The following SLCO5A1 variants were observed in gnomAD, a reference collection of about 807,000 sequenced individuals.
SLCO5A1 encodes solute carrier organic anion transporter family member 5A1, also known as organic anion transporter polypeptide-related protein 4.
In SLCO5A1, 39 loss-of-function variants were observed where a neutral mutation model predicts 65.1. The observed-to-expected ratio is 0.60, with a 90% confidence interval of 0.46 to 0.78. The LOEUF (loss-of-function observed/expected upper bound fraction) is 0.78, where lower values mean the gene tolerates loss of function less well. Ranked by LOEUF, SLCO5A1 falls within the 30% of genes least tolerant of loss-of-function variation. The pLI, the probability that SLCO5A1 is intolerant of heterozygous loss-of-function variation, is 0.00. For missense variants in SLCO5A1, 1,029 were observed against 1,069.4 expected (o/e 0.96, Z 0.53); for synonymous variants, 438 against 415.7 (o/e 1.05, Z -0.65).
In SLCO5A1 at chr8:69,705,021, A is replaced by G. The variant is rs1350901346; in HGVS notation, c.1622+10T>C. On this transcript the variant is annotated intron_variant, in intron 6 of 9. Transcript: ENST00000260126. ...GTGCAGACACGACACGGCTCTTAAG[A>G]GGTACTTACCCTGTTGTATAAGGGA... 1 of 1,608,154 alleles carries G rather than the reference A, an allele frequency of 6.2e-7. No individual in the cohort carries two copies. Among genetic ancestry groups the G allele is most frequent in the Non-Finnish European group, 8.5e-7 (1 of 1,179,168 alleles).
rs201068912 is a variant in SLCO5A1, at chr8:69,679,559, C to T, written c.1843G>A (p.Val615Met). 4.6e-5 allele frequency: 75 copies of T among 1,614,066 alleles called. No individual in the cohort carries two copies. The highest frequency in any genetic ancestry group is 4.7e-5 in the Non-Finnish European group (56 of 1,180,046). The change falls in exon 8 of 10, where the codon GTG (valine) becomes ATG (methionine). Residue 615 changes from valine to methionine, a missense_variant. By Grantham distance (21) the Val-to-Met change is conservative. Around this residue, in one of 3 missense-constraint regions of SLCO5A1, gnomAD observed 124 missense variants for 184.5 expected, o/e 0.67. Transcript: ENST00000260126. ...QSRQVITPPTVGQRSQLRVVI... is the reference protein window; with the variant it reads ...QSRQVITPPTMGQRSQLRVVI... ...ACACGGAGCTGACTTCGCTGTCCCA[C>T]GGTGGGTGGAGTGATCACTTGGCGA...
chr8:69,713,892 A>G (rs755306565), intron 5 of SLCO5A1: 5 of 152,248 alleles, frequency 3.3e-5, no homozygotes, highest in Non-Finnish European at 5.9e-5. Flanking sequence ...TGCTCAGAAT[A>G]AATAATTTTA....
intron 6 of SLCO5A1, among the ~76,000 whole-genome samples, chr8:69,699,432 T>C (rs74985473): frequency 0.077 from 11,685 of 152,218 alleles, 448 homozygotes; most frequent in East Asian, 0.086. Context: ...CATCCATCTC[T>C]TGAGGAACTG....
chr8:69,799,504 A>G (rs1819646844), intron 2 of SLCO5A1, among the ~76,000 whole-genome samples: 2 of 152,160 alleles, frequency 1.3e-5, no homozygotes, highest in South Asian at 2.1e-4. Context: ...GGAAGTTTTT[A>G]TTTGTCCATA....
chr8:69,743,212 A>G (rs952419486), intron 4 of SLCO5A1, among the ~76,000 whole-genome samples: 1 of 152,206 alleles, frequency 6.6e-6, no homozygotes, highest in African/African-American at 2.4e-5. Flanking sequence ...TCACAGCATG[A>G]TATAAGGCAG....
At chr8:69,736,458 G>A (rs779776411) in intron 5 of SLCO5A1, among the ~76,000 whole-genome samples, 18 of 152,194 alleles carry the variant, frequency 1.2e-4, no homozygotes, top group Non-Finnish European at 8.8e-5. Context: ...GGGTGAAAAT[G>A]GTGCATCTGT....
chr8:69,714,369 G>A (rs1294796326), intron 5 of SLCO5A1, among the ~76,000 whole-genome samples: 2 of 152,218 alleles, frequency 1.3e-5, no homozygotes, highest in African/African-American at 4.8e-5. Context: ...CATGCGTTGA[G>A]CATTTGTTGC....
At chr8:69,755,210 C>T (rs1817488246) in intron 4 of SLCO5A1, among the ~76,000 whole-genome samples, 1 of 152,036 alleles carries the variant, frequency 6.6e-6, no homozygotes, top group Non-Finnish European at 1.5e-5. Flanking sequence ...TTTTAAATAA[C>T]ATACAAAATA....
intron 6 of SLCO5A1, among the ~76,000 whole-genome samples, chr8:69,703,442 A>C (rs568896814): frequency 6.6e-6 from 1 of 152,350 alleles, no homozygotes; most frequent in South Asian, 2.1e-4. Context: ...GCTACTTGGG[A>C]GGCTGAGACA....
chr8:69,782,896 G>T lies in SLCO5A1; in HGVS notation c.908-21021C>A, dbSNP rs118114420. On this transcript the variant is annotated intron_variant, in intron 2 of 9. Transcript: ENST00000260126. ...GACTCAACTCATATTCAAGAGGTTC[G>T]TAAGAGTATTGGCTTCAGCATCAGC... Among the ~76,000 whole-genome samples, 6 of 152,238 alleles carry T rather than the reference G, an allele frequency of 3.9e-5. No individual in the cohort carries two copies. In the East Asian group the frequency reaches 1.2e-3, roughly 29 times the overall value.
Position 69,755,605 on chromosome 8 carries a change from A to G in SLCO5A1, c.1077T>C (p.Phe359=). The part of the protein sequence containing the change: ...SGFLLCAIAM[F]LVIFPMFTFP... ...AAGTAAACATTGGGAATATCACAAG[A>G]AACATTGCAATGGCACAAAGGAGGA... The change falls in exon 4 of 10, where the codon TTT becomes TTC. Residue 359 remains phenylalanine (F), a synonymous_variant. Coordinates refer to ENST00000260126, the MANE Select transcript of SLCO5A1 (RefSeq NM_030958.3). 6.2e-7 allele frequency: 1 copy of G among 1,613,984 alleles called. No homozygotes were observed. The highest frequency in any genetic ancestry group is 1.1e-5 in the South Asian group (1 of 91,026).
Position 69,761,705 on chromosome 8 carries a change from T to G in SLCO5A1, c.1040+38A>C, listed in dbSNP as rs774895836. ...GTACCATGACTTTAACTATTATTAG[T>G]AAGAACTGAAATTTAAAAATTAGAA... is the stretch of plus-strand genomic sequence containing the variant. On this transcript the variant is annotated intron_variant, in intron 3 of 9. Transcript: ENST00000260126. The G allele has an allele frequency of 5.0e-6, 8 of 1,599,310 alleles. No homozygotes were observed. The Admixed American group carries it at 1.4e-4, about 28-fold the overall frequency.
chr8:69,794,657 A>T (rs1284414134), intron 2 of SLCO5A1: 12 of 323,754 alleles, frequency 3.7e-5, no homozygotes, highest in Non-Finnish European at 6.2e-5. Flanking sequence ...AGGACTCTTT[A>T]TGATATTTGT....
intron 2 of SLCO5A1, among the ~76,000 whole-genome samples, chr8:69,814,181 G>T (rs1293013309): frequency 3.3e-5 from 5 of 152,078 alleles, no homozygotes; most frequent in Non-Finnish European, 7.4e-5. Context: ...AAAAGTAAAA[G>T]TAGACAAATG....
In SLCO5A1 at chr8:69,755,539, CTT is replaced by C; in HGVS notation, c.1141_1142del (p.Lys381GlufsTer6). The C allele has an allele frequency of 6.2e-7, 1 of 1,613,726 alleles. No homozygotes were observed. ...TAACAGCATCAACAGAAAATTTTTT[CTT>C]TTTCTTTTTCTTGTGTCGAGGTGGA... Reference protein sequence around the residue: ...KLPPRHKKKKKKKFSVDAVSD... With the variant: ...KLPPRHKKKKXKKFSVDAVSD... On this transcript the variant is annotated frameshift_variant, in exon 4 of 10. Transcript: ENST00000260126. LOFTEE classifies it high-confidence loss of function.
Position 69,679,392 on chromosome 8 carries a change from G to C in SLCO5A1, c.2010C>G (p.Ile670Met). 5.0e-6 allele frequency: 8 copies of C among 1,614,200 alleles called. No individual in the cohort carries two copies. The highest frequency in any genetic ancestry group is 6.8e-6 in the Non-Finnish European group (8 of 1,180,036). Residue 670 changes from isoleucine to methionine, a missense_variant, in exon 8 of 10, where the codon ATC becomes ATG. By Grantham distance (10) the Ile-to-Met change is conservative (BLOSUM62 1). Around this residue, in one of 3 missense-constraint regions of SLCO5A1, gnomAD observed 258 missense variants for 237.4 expected, o/e 1.09. Transcript: ENST00000260126. ...FITACAQPSA[I>M]IVTLRSVEDE... is the part of the protein sequence containing the mutation. The stretch of plus-strand genomic sequence containing the variant: ...GCTGTTCTCACCTGAGTGTTACTAT[G>C]ATAGCTGATGGTTGGGCACATGCTG...
intron 2 of SLCO5A1, among the ~76,000 whole-genome samples, chr8:69,823,763 G>C (rs1820751844): frequency 6.6e-6 from 1 of 152,172 alleles, no homozygotes; most frequent in Admixed American, 6.5e-5. Flanking sequence ...ACTCAGCTCT[G>C]CACCAAGCAG....
At chr8:69,817,072 T>C (rs1416672189) in intron 2 of SLCO5A1, among the ~76,000 whole-genome samples, 1 of 152,208 alleles carries the variant, frequency 6.6e-6, no homozygotes, top group East Asian at 1.9e-4. Context: ...GTTAAGTATA[T>C]TCACATCATC....
At chr8:69,715,937 C>A (rs536954372) in intron 5 of SLCO5A1, among the ~76,000 whole-genome samples, 1 of 152,160 alleles carries the variant, frequency 6.6e-6, no homozygotes, top group Admixed American at 6.5e-5. Context: ...ATTTTCATCG[C>A]CCTAAAAAGA....
Sources: allele counts gnomAD v4.1 joint callset (sites outside exome capture counted in the v4.1 genomes callset), GRCh38; gene constraint gnomAD v4.1.1; regional missense constraint gnomAD v4.1.1; transcripts MANE v1.5; gene names NCBI Gene and HGNC (gene_info 2026-07-23, HGNC 2026-07-21).